The following ESR1 variants were observed in gnomAD, a reference collection of about 807,000 sequenced individuals.
ESR1 encodes the protein estrogen receptor 1, also known as estrogen receptor.
In ESR1, 12 loss-of-function variants were observed where a neutral mutation model predicts 52.7. The ratio of observed to expected loss-of-function variants is 0.23; its 90% CI spans 0.15 to 0.37. The LOEUF is 0.37. Ranked by LOEUF, ESR1 falls within the 10% of genes least tolerant of loss-of-function variation. The probability of loss-of-function intolerance (pLI) is 1.00; values close to 1 mark genes in which losing one functional copy is unlikely to be tolerated. For synonymous variants in ESR1, 305 were observed against 316.8 expected (o/e 0.96, Z 0.39); for missense variants, 584 against 779.7 (o/e 0.75, Z 2.99).
At chr6:151,836,576 C>A (rs951269130) in intron 1 of ESR1, among the ~76,000 whole-genome samples, 5 of 152,192 alleles carry the variant, frequency 3.3e-5, no homozygotes, top group Non-Finnish European at 7.3e-5. Context: ...CAAACCATAT[C>A]AAGGACCTAC....
intron 2 of ESR1, among the ~76,000 whole-genome samples, chr6:151,852,975 C>T (rs1253734588): frequency 6.6e-6 from 1 of 151,144 alleles, no homozygotes; most frequent in Admixed American, 6.6e-5. Flanking sequence ...AGATTGAGAC[C>T]ATCCTGGCCA....
Position 151,997,678 on chromosome 6 carries a change from C to T in ESR1, c.1097-13978C>T, listed in dbSNP as rs185199650. ...TTTCAGCAAACTGTGGTTCCACTTT[C>T]GCCTCTTTCTTGACATTGACTGTGT... On this transcript the variant is annotated intron_variant, in intron 4 of 7. Transcript: ENST00000206249. Among the ~76,000 whole-genome samples the T allele has an allele frequency of 2.4e-4, 37 of 152,224 alleles. No individual in the cohort carries two copies. The East Asian group carries it at 5.2e-3, about 21-fold the overall frequency.
chr6:151,757,031 A>T (rs1195249299), intron 2 of ESR1, among the ~76,000 whole-genome samples: 1 of 152,092 alleles, frequency 6.6e-6, no homozygotes, highest in African/African-American at 2.4e-5. Context: ...AAAATAAATG[A>T]TCTCACAGGA....
intron 2 of ESR1, among the ~76,000 whole-genome samples, chr6:151,771,911 A>G (rs1785552100): frequency 6.6e-6 from 1 of 152,222 alleles, no homozygotes; most frequent in African/African-American, 2.4e-5. Context: ...TTAAATAATT[A>G]ATTTGTTGAT....
chr6:151,853,166 T>A (rs1356790222), intron 2 of ESR1, among the ~76,000 whole-genome samples: 3 of 35,320 alleles, frequency 8.5e-5, no homozygotes, highest in Admixed American at 5.0e-4. Context: ...GTGAGACTCG[T>A]CTCAAAAAAA....
intron 2 of ESR1, among the ~76,000 whole-genome samples, chr6:151,847,059 G>C (rs1785257068): frequency 6.6e-6 from 1 of 152,206 alleles, no homozygotes; most frequent in Admixed American, 6.5e-5. Context: ...TCTATAAGGT[G>C]CCAACAGAAG....
At chr6:151,828,985 T>G (rs1180769006) in intron 1 of ESR1, among the ~76,000 whole-genome samples, 1 of 152,230 alleles carries the variant, frequency 6.6e-6, no homozygotes, top group African/African-American at 2.4e-5. Flanking sequence ...CCAGAAGATT[T>G]AGTTTTAACT....
chr6:151,999,259 T>C (rs1007302354), intron 4 of ESR1, among the ~76,000 whole-genome samples: 3 of 152,158 alleles, frequency 2.0e-5, no homozygotes, highest in African/African-American at 7.2e-5. Flanking sequence ...CATCTTATAA[T>C]TTATTAATCT....
At chr6:151,730,440 T>C (rs111312807) in intron 2 of ESR1, among the ~76,000 whole-genome samples, 10 of 152,270 alleles carry the variant, frequency 6.6e-5, no homozygotes, top group African/African-American at 2.4e-4. Flanking sequence ...CTCATCTGTC[T>C]CCATGTGTGT....
intron 4 of ESR1, among the ~76,000 whole-genome samples, chr6:151,970,664 C>A (rs1177252809): frequency 1.3e-5 from 2 of 152,134 alleles, no homozygotes; most frequent in African/African-American, 4.8e-5. Context: ...GACCAGGACT[C>A]CTGTGCTTGA....
chr6:151,862,317 T>C (rs1375853921), intron 2 of ESR1, among the ~76,000 whole-genome samples: 1 of 152,162 alleles, frequency 6.6e-6, no homozygotes, highest in Non-Finnish European at 1.5e-5. Context: ...AGAAAGGCCA[T>C]TGGAAGTGAG....
intron 5 of ESR1, among the ~76,000 whole-genome samples, chr6:152,012,681 C>T (rs1002772523): frequency 6.6e-6 from 1 of 152,200 alleles, no homozygotes; most frequent in Admixed American, 6.5e-5. Flanking sequence ...CTCTCATGTT[C>T]AGTGATGCCT....
chr6:151,918,539 G>A (rs1374425212), intron 3 of ESR1, among the ~76,000 whole-genome samples: 1 of 152,162 alleles, frequency 6.6e-6, no homozygotes, highest in Non-Finnish European at 1.5e-5. Context: ...AGGTATTATG[G>A]TTACCCATAA....
rs1779351991 is a variant in ESR1, at chr6:151,696,470, TCAAATAAA to T, written c.-201-5404_-201-5397del. Among the ~76,000 whole-genome samples the T allele has an allele frequency of 2.4e-5, 3 of 123,778 alleles. No individual in the cohort carries two copies. In the East Asian group the frequency reaches 6.9e-4, roughly 29 times the overall value. 81.2% of individuals were successfully genotyped at this position (123,778 alleles called of 152,430 possible). On this transcript the variant is annotated intron_variant, in intron 1 of 2. Transcript: ENST00000404742. ...CTGGGAGACATAGAGAGACTCCATC[TCAAATAAA>T]TAAATAAATAAATAAATAAATAAAT...
chr6:151,858,589 T>C (rs1170882722), intron 2 of ESR1, among the ~76,000 whole-genome samples: 2 of 152,100 alleles, frequency 1.3e-5, no homozygotes, highest in East Asian at 3.9e-4. Flanking sequence ...CTGTTTTTTT[T>C]TTTTTTTTTA....
chr6:151,850,032 ATATATATATAATTT>A (rs1315520598), intron 2 of ESR1, among the ~76,000 whole-genome samples: 1 of 132,282 alleles, frequency 7.6e-6, no homozygotes, highest in African/African-American at 3.0e-5. Flanking sequence ...ACAAAATTAT[ATATATATATAATTT>A]TATATATATA....
chr6:151,670,955 A>G (rs530938574), intron 1 of ESR1, among the ~76,000 whole-genome samples: 2 of 151,856 alleles, frequency 1.3e-5, no homozygotes, highest in East Asian at 3.9e-4. Context: ...CTTAGTAGAG[A>G]TGGGGTTTCA....
intron 3 of ESR1, among the ~76,000 whole-genome samples, chr6:151,893,796 C>T (rs529300268): frequency 6.6e-6 from 1 of 152,232 alleles, no homozygotes; most frequent in South Asian, 2.1e-4. Flanking sequence ...GGCTGCAGTA[C>T]CAACATAGAA....
At chr6:151,879,067 GAGA>G (rs1390057575) in intron 2 of ESR1, among the ~76,000 whole-genome samples, 1 of 152,128 alleles carries the variant, frequency 6.6e-6, no homozygotes, top group Non-Finnish European at 1.5e-5. Context: ...GGAGTAGTAA[GAGA>G]AGAAGAAGAC....
Sources: allele counts gnomAD v4.1 joint callset (sites outside exome capture counted in the v4.1 genomes callset), GRCh38; gene constraint gnomAD v4.1.1; transcripts MANE v1.5; gene names NCBI Gene and HGNC (gene_info 2026-07-23, HGNC 2026-07-21).